The following XYLT1 variants were observed in gnomAD, a reference collection of about 807,000 sequenced individuals.
XYLT1 encodes beta-D-xylosyltransferase 1.
XYLT1 carries 36 observed loss-of-function variants against 91.3 expected under a neutral mutation model. That is an observed-to-expected ratio of 0.39 (90% CI 0.30 to 0.52). The LOEUF (loss-of-function observed/expected upper bound fraction) is 0.52, where lower values mean the gene tolerates loss of function less well. XYLT1 is among the 20% of genes least tolerant of loss of function. XYLT1 has a pLI of 0.68. For synonymous variants in XYLT1, 588 were observed against 532.0 expected, an observed-to-expected ratio of 1.11 and a Z score of -1.45; for missense variants, 1,242 against 1,284.5, an observed-to-expected ratio of 0.97 and a Z score of 0.51.
chr16:17,298,074 G>A (rs1318273292), intron 2 of XYLT1, among the ~76,000 whole-genome samples: 1 of 151,936 alleles, frequency 6.6e-6, no homozygotes, highest in African/African-American at 2.4e-5. Context: ...GAGCTATCAC[G>A]GCTCCATTCT....
intron 1 of XYLT1, among the ~76,000 whole-genome samples, chr16:17,423,419 T>C (rs1002603871): frequency 1.3e-5 from 2 of 152,086 alleles, no homozygotes; most frequent in Non-Finnish European, 2.9e-5. Context: ...ATTAAGGCGA[T>C]TGTTTTTTCC....
Position 17,122,357 on chromosome 16 carries a change from G to A in XYLT1, c.2224-4378C>T, listed in dbSNP as rs139523508. Among the ~76,000 whole-genome samples, 1,294 of 152,302 alleles carry A rather than the reference G, an allele frequency of 8.5e-3. 19 individuals are homozygous for A. The highest frequency in any genetic ancestry group is 0.03 in the African/African-American group (1,231 of 41,562). ...TTTTCCTGATCGTTAGTGATGTTGA[G>A]CATTTTTTCATATGTTCGTTGGCCA... On this transcript the variant is annotated intron_variant, in intron 10 of 11. Coordinates refer to ENST00000261381, the MANE Select transcript of XYLT1 (RefSeq NM_022166.4).
intron 2 of XYLT1, among the ~76,000 whole-genome samples, chr16:17,264,770 A>AG (rs1334644887): frequency 6.6e-6 from 1 of 151,848 alleles, no homozygotes; most frequent in Non-Finnish European, 1.5e-5. Flanking sequence ...TAACATAGAG[A>AG]GAGGTTAAAT....
chr16:17,430,118 G>C (rs539091508), intron 1 of XYLT1, among the ~76,000 whole-genome samples: 1 of 151,894 alleles, frequency 6.6e-6, no homozygotes, highest in African/African-American at 2.4e-5. Flanking sequence ...TGTATTTTTA[G>C]TAGAGACTGG....
At chr16:17,190,857 CA>C (rs557958411) in intron 5 of XYLT1, among the ~76,000 whole-genome samples, 6 of 150,236 alleles carry the variant, frequency 4.0e-5, no homozygotes, top group Admixed American at 6.6e-5. Flanking sequence ...ACCTCAGTTT[CA>C]AAAAAAAAGG....
chr16:17,321,482 C>G (rs1257001113), intron 2 of XYLT1, among the ~76,000 whole-genome samples: 1 of 149,614 alleles, frequency 6.7e-6, no homozygotes, highest in Non-Finnish European at 1.5e-5. Context: ...CTCAGCCTCT[C>G]AAGTAGCTGG....
chr16:17,239,512 CCATCCATCCATCCATCCATCCATCCCATT>C (rs1428893029), intron 3 of XYLT1, among the ~76,000 whole-genome samples: 1 of 149,290 alleles, frequency 6.7e-6, no homozygotes, highest in Non-Finnish European at 1.5e-5. Flanking sequence ...ATTCATCCAT[CCATCCATCCATCCATCCATCCATCCCATT>C]CATCCATCCA....
intron 9 of XYLT1, among the ~76,000 whole-genome samples, chr16:17,131,817 A>ACATGCC (rs928990395): frequency 6.6e-6 from 1 of 152,238 alleles, no homozygotes; most frequent in African/African-American, 2.4e-5. Context: ...CTGTTTCCCC[A>ACATGCC]CATGCCCCGG....
At chr16:17,289,781 A>C (rs1326390032) in intron 2 of XYLT1, among the ~76,000 whole-genome samples, 2 of 152,234 alleles carry the variant, frequency 1.3e-5, no homozygotes, top group Admixed American at 1.3e-4. Flanking sequence ...AAACAAACGC[A>C]AACATGCAAA....
At chr16:17,139,555 C>A (rs551628035) in intron 7 of XYLT1, among the ~76,000 whole-genome samples, 1 of 152,278 alleles carries the variant, frequency 6.6e-6, no homozygotes, top group East Asian at 1.9e-4. Flanking sequence ...GTAAATGAGG[C>A]TCCAGCCGCC....
chr16:17,450,358 C>CAAAAA (rs1215689776), intron 1 of XYLT1, among the ~76,000 whole-genome samples: 4 of 142,962 alleles, frequency 2.8e-5, no homozygotes, highest in Non-Finnish European at 4.7e-5. Flanking sequence ...AACAAACAAA[C>CAAAAA]AAACAAAAAA....
At position 17,469,754 on chromosome 16, in the gene XYLT1, C is replaced by T. The variant is rs552533189; in HGVS notation, c.363+680G>A. Among the ~76,000 whole-genome samples, 16 of 152,290 alleles carry T rather than the reference C, an allele frequency of 1.1e-4. No homozygotes were observed. In the South Asian group the frequency reaches 3.3e-3, roughly 32 times the overall value. On this transcript the variant is annotated intron_variant, in intron 1 of 11. Transcript: ENST00000261381. ...GAGACAACCAGCTAGGAGAAGGAGC[C>T]ATGCCCTGAAACTGGAGATGGGGAG...
intron 3 of XYLT1, among the ~76,000 whole-genome samples, 164 bp downstream of exon 3, chr16:17,258,824 C>T (rs1341207877): frequency 6.6e-6 from 1 of 151,958 alleles, no homozygotes; most frequent in Non-Finnish European, 1.5e-5. Context: ...AAGACTTCAA[C>T]ACTCAGGGAG....
rs563050618 is a variant in XYLT1, at chr16:17,204,598, AT to A, written c.914-3945del. Reference sequence around the variant, plus strand: ...CAGCGAGTCAGGAGAAAGATCAACCATTTACTGAGTGCCTACTATGTGTTAA... The same window carrying A: ...CAGCGAGTCAGGAGAAAGATCAACCATTACTGAGTGCCTACTATGTGTTAA... On this transcript the variant is annotated intron_variant, in intron 3 of 11. Coordinates refer to ENST00000261381, the MANE Select transcript of XYLT1 (RefSeq NM_022166.4). 3.8e-4 allele frequency among the ~76,000 whole-genome samples: 58 copies of A among 152,198 alleles called. 1 individual carries two copies. Among genetic ancestry groups the A allele is most frequent in the Middle Eastern group, 3.4e-3 (1 of 294 alleles).
At chr16:17,370,259 A>T (rs1235866428) in intron 1 of XYLT1, among the ~76,000 whole-genome samples, 1 of 152,168 alleles carries the variant, frequency 6.6e-6, no homozygotes, top group East Asian at 1.9e-4. Context: ...GAGATCCCCC[A>T]AGCAAGTTGA....
rs879309501 is a variant in XYLT1 at position 17,316,823 on chromosome 16, A to ATT, written c.402+41187_402+41188dup. On this transcript the variant is annotated intron_variant, in intron 2 of 11. Coordinates refer to ENST00000261381, the MANE Select transcript of XYLT1 (RefSeq NM_022166.4). ...GAGCTCACTTTGAAACCACAGGCAG[A>ATT]TTTTTTTTTTTTTTTTGAGACGGAG... Among the ~76,000 whole-genome samples, 86 of 131,284 alleles carry ATT rather than the reference A, an allele frequency of 6.6e-4. 1 individual carries two copies. Among genetic ancestry groups the ATT allele is most frequent in the African/African-American group, 2.2e-3 (78 of 35,504 alleles). The allele number at this position is 131,284 out of a possible 152,430, so 86.1% of individuals were successfully genotyped here. A position where few individuals can be genotyped will look rare whatever the true frequency, so the allele number is the denominator to read the frequency against.
intron 9 of XYLT1, among the ~76,000 whole-genome samples, chr16:17,131,754 C>G (rs991320320): frequency 1.2e-4 from 18 of 152,164 alleles, no homozygotes; most frequent in African/African-American, 3.1e-4. Context: ...ACTGGAAAGG[C>G]ACAATTTGCC....
chr16:17,284,038 T>C (rs1221315721), intron 2 of XYLT1, among the ~76,000 whole-genome samples: 1 of 152,234 alleles, frequency 6.6e-6, no homozygotes, highest in African/African-American at 2.4e-5. Flanking sequence ...GAGGTTGAGT[T>C]CTGAGCTAAA....
At chr16:17,119,426 G>C (rs2029969311) in intron 10 of XYLT1, among the ~76,000 whole-genome samples, 1 of 152,218 alleles carries the variant, frequency 6.6e-6, no homozygotes, top group Admixed American at 6.5e-5. Flanking sequence ...CACTGCCTCT[G>C]CTGTCTTCCC....
Sources: gnomAD v4.1 joint callset for allele counts (sites outside exome capture counted in the v4.1 genomes callset) on GRCh38, gnomAD v4.1.1 for gene constraint, MANE v1.5 for transcripts, NCBI Gene and HGNC (gene_info 2026-07-23, HGNC 2026-07-21) for gene names.